MARCHF1: variants seen among roughly 807,000 people sequenced by gnomAD.
MARCHF1 encodes membrane associated ring-CH-type finger 1.
Under a neutral mutation model 54.2 loss-of-function variants are expected in MARCHF1, and 40 were observed. The observed-to-expected ratio is 0.74, with a 90% CI of 0.57 to 0.96. The LOEUF (loss-of-function observed/expected upper bound fraction) is 0.96, where lower values mean the gene tolerates loss of function less well. Ranked by LOEUF, MARCHF1 falls within the 40% of genes least tolerant of loss-of-function variation. The pLI is 0.00. For missense variants in MARCHF1, 586 were observed against 656.5 expected (o/e 0.89, Z 1.17); for synonymous variants, 236 against 236.3 (o/e 1.00, Z 0.01).
chr4:163,883,596 T>G (rs1169578013), intron 3 of MARCHF1, among the ~76,000 whole-genome samples: 1 of 152,212 alleles, frequency 6.6e-6, no homozygotes, highest in Non-Finnish European at 1.5e-5. Context: ...ATATTTTTCC[T>G]GAAGCATACA....
At chr4:163,569,038 A>G (rs1739743868) in intron 8 of MARCHF1, among the ~76,000 whole-genome samples, 1 of 152,154 alleles carries the variant, frequency 6.6e-6, no homozygotes, top group African/African-American at 2.4e-5. Flanking sequence ...GGTGTCAGCC[A>G]CTGCTGAGTT....
At chr4:163,866,213 T>A (rs975623337) in intron 3 of MARCHF1, among the ~76,000 whole-genome samples, 3 of 151,502 alleles carry the variant, frequency 2.0e-5, no homozygotes, top group South Asian at 2.1e-4. Context: ...TCAACTTTTT[T>A]ACCTATTTTT....
At chr4:163,558,969 T>G (rs1338717603) in intron 8 of MARCHF1, among the ~76,000 whole-genome samples, 1 of 152,184 alleles carries the variant, frequency 6.6e-6, no homozygotes, top group East Asian at 1.9e-4. Flanking sequence ...CCCTTTTCAC[T>G]TCCTCTCCTC....
intron 2 of MARCHF1, among the ~76,000 whole-genome samples, chr4:164,072,220 T>C (rs1242057097): frequency 1.3e-5 from 2 of 152,160 alleles, no homozygotes; most frequent in African/African-American, 4.8e-5. Flanking sequence ...TTATAACAAA[T>C]ATAAAAAACA....
intron 1 of MARCHF1, among the ~76,000 whole-genome samples, chr4:164,116,595 A>T (rs1755944030): frequency 6.6e-6 from 1 of 152,096 alleles, no homozygotes; most frequent in South Asian, 2.1e-4. Flanking sequence ...TGTAAATTTA[A>T]ATTTAAGTAG....
intron 1 of MARCHF1, among the ~76,000 whole-genome samples, chr4:164,270,262 A>G (rs907004371): frequency 1.3e-5 from 2 of 152,152 alleles, no homozygotes; most frequent in Non-Finnish European, 2.9e-5. Context: ...CCATATAAAC[A>G]TAGAGATTGC....
At chr4:164,023,745 T>A (rs114528292) in intron 2 of MARCHF1, among the ~76,000 whole-genome samples, 5,378 of 152,194 alleles carry the variant, frequency 0.035, 116 homozygotes, top group Non-Finnish European at 0.048. Context: ...ACTGAATGAA[T>A]GAAATGACAG....
chr4:164,174,352 A>G (rs1730607556), intron 1 of MARCHF1, among the ~76,000 whole-genome samples: 1 of 152,256 alleles, frequency 6.6e-6, no homozygotes, highest in African/African-American at 2.4e-5. Flanking sequence ...AAAAGTGAGC[A>G]TTTCTAGAAA....
chr4:163,915,627 A>G lies in MARCHF1; in HGVS notation c.-38-61458T>C, dbSNP rs139537051. ...ATCATATTAACATTAGACTTTAATC[A>G]CAGGGTAAATTGTGAAATTCTGTGG... On this transcript the variant is annotated intron_variant, in intron 3 of 9. Coordinates refer to ENST00000514618, the MANE Select transcript of MARCHF1 (RefSeq NM_001394959.1). Among the ~76,000 whole-genome samples, 979 of 152,282 alleles carry G rather than the reference A, an allele frequency of 6.4e-3. 8 individuals are homozygous for G. Among genetic ancestry groups the G allele is most frequent in the African/African-American group, 0.022 (914 of 41,570 alleles).
At chr4:163,577,999 C>T (rs1265974112) in intron 8 of MARCHF1, among the ~76,000 whole-genome samples, 1 of 151,682 alleles carries the variant, frequency 6.6e-6, no homozygotes, top group Non-Finnish European at 1.5e-5. Context: ...TAAGATGATG[C>T]TTTGGGGAAA....
rs146194997 is a variant in MARCHF1, at chr4:163,557,120, G to A, written c.1192-11377C>T. Among the ~76,000 whole-genome samples the A allele has an allele frequency of 7.5e-3, 1,145 of 152,190 alleles. 11 individuals are homozygous for A. The highest frequency in any genetic ancestry group is 0.024 in the African/African-American group (1,001 of 41,526). On this transcript the variant is annotated intron_variant, in intron 8 of 9. Coordinates refer to ENST00000514618, the MANE Select transcript of MARCHF1 (RefSeq NM_001394959.1). Reference sequence around the variant, plus strand: ...GGAGGTATACATAATCTCCACAGGCGGGAAATGAAACTTGTGGTTCAGGGA... The same window carrying A: ...GGAGGTATACATAATCTCCACAGGCAGGAAATGAAACTTGTGGTTCAGGGA...
At chr4:163,745,239 G>A (rs1746323283) in intron 4 of MARCHF1, among the ~76,000 whole-genome samples, 1 of 150,040 alleles carries the variant, frequency 6.7e-6, no homozygotes, top group Non-Finnish European at 1.5e-5. Context: ...AGCCCCCCGA[G>A]TAGCTGGGAT....
At chr4:163,579,988 T>C (rs1740166977) in intron 8 of MARCHF1, among the ~76,000 whole-genome samples, 1 of 152,124 alleles carries the variant, frequency 6.6e-6, no homozygotes, top group Admixed American at 6.5e-5. Flanking sequence ...AGAATGTCCA[T>C]GTGCACTAAA....
chr4:164,354,390 C>A (rs1730450048), intron 1 of MARCHF1, among the ~76,000 whole-genome samples: 1 of 136,592 alleles, frequency 7.3e-6, no homozygotes, highest in Non-Finnish European at 1.6e-5. Context: ...CCGAATCCAG[C>A]AGCACATCAA....
chr4:164,013,392 CT>C (rs1753467027), intron 2 of MARCHF1, among the ~76,000 whole-genome samples: 1 of 151,740 alleles, frequency 6.6e-6, no homozygotes, highest in South Asian at 2.1e-4. Context: ...TAAAGAATGC[CT>C]AAAAAAATCT....
Position 164,351,195 on chromosome 4 carries a change from G to A in MARCHF1, c.-323+32675C>T, listed in dbSNP as rs561443389. Among the ~76,000 whole-genome samples the A allele has an allele frequency of 2.3e-3, 347 of 151,216 alleles. 1 individual carries two copies. The highest frequency in any genetic ancestry group is 7.1e-3 in the Admixed American group (108 of 15,186). On this transcript the variant is annotated intron_variant, in intron 1 of 9. Coordinates refer to ENST00000514618, the MANE Select transcript of MARCHF1 (RefSeq NM_001394959.1). ...CAGCGAGGCTGGGGTAGGGGCGCCC[G>A]CCATTGCCCAGGCTTGCTTAGGTAA...
At chr4:164,249,318 C>T (rs1733054831) in intron 1 of MARCHF1, among the ~76,000 whole-genome samples, 3 of 152,024 alleles carry the variant, frequency 2.0e-5, no homozygotes, top group Non-Finnish European at 4.4e-5. Context: ...TGAGCTGTAC[C>T]TTCAAAATAT....
intron 2 of MARCHF1, among the ~76,000 whole-genome samples, chr4:164,095,083 AC>A (rs1406414977): frequency 6.6e-6 from 1 of 152,168 alleles, no homozygotes; most frequent in Non-Finnish European, 1.5e-5. Context: ...AGTTGATACA[AC>A]AAAATGCTAA....
chr4:164,105,997 C>T (rs1755687909), intron 2 of MARCHF1, among the ~76,000 whole-genome samples: 1 of 148,958 alleles, frequency 6.7e-6, no homozygotes, highest in South Asian at 2.1e-4. Context: ...TTTATGCAGC[C>T]AAAAGACACA....
Sources: gnomAD v4.1 joint callset for allele counts (sites outside exome capture counted in the v4.1 genomes callset) on GRCh38, gnomAD v4.1.1 for gene constraint, MANE v1.5 for transcripts, NCBI Gene and HGNC (gene_info 2026-07-23, HGNC 2026-07-21) for gene names.